The following TRPV1 variants were observed in gnomAD, a reference collection of about 807,000 sequenced individuals.
TRPV1 encodes the protein OTRPC1.
TRPV1 carries 82 observed loss-of-function variants against 82.3 expected under a neutral mutation model. That is an observed-to-expected ratio of 1.00 (90% CI 0.83 to 1.20). TRPV1 has a LOEUF of 1.20. TRPV1 is among the 50% of genes most tolerant of loss of function. The pLI is 0.00. For synonymous variants in TRPV1, 515 were observed against 467.7 expected, an observed-to-expected ratio of 1.10 and a Z score of -1.30; for missense variants, 1,067 against 1,096.8, an observed-to-expected ratio of 0.97 and a Z score of 0.38.
chr17:3,586,763 C>T (rs1027645941), intron 8 of TRPV1, among the ~76,000 whole-genome samples: 1 of 152,154 alleles, frequency 6.6e-6, no homozygotes, highest in African/African-American at 2.4e-5. Context: ...CAGAGCAAGA[C>T]TCTGTCTCAA....
At chr17:3,578,731 G>A (rs2074967489) in intron 11 of TRPV1, 1 of 152,156 alleles carries the variant, frequency 6.6e-6, no homozygotes. Context: ...GCACTCCTGT[G>A]TTTATCAAAG....
At chr17:3,577,475 TG>T in intron 12 of TRPV1, 122 bp downstream of exon 12, 3 of 1,271,710 alleles carry the variant, frequency 2.4e-6, no homozygotes, top group Non-Finnish European at 2.2e-6. Flanking sequence ...GAAAATAGGC[TG>T]GGGGGTAAAC....
intron 12 of TRPV1, 54 bp downstream of exon 12, chr17:3,577,544 T>C (rs999837913): frequency 1.9e-6 from 3 of 1,541,988 alleles, no homozygotes; most frequent in East Asian, 2.5e-5. Context: ...CCATCTCACA[T>C]GACCACGAGG....
intron 7 of TRPV1, chr17:3,588,825 A>AC: frequency 8.3e-6 from 11 of 1,319,354 alleles, no homozygotes; most frequent in Non-Finnish European, 1.1e-5. Flanking sequence ...AAAAAAAAAA[A>AC]AAAAACAAAA....
At chr17:3,588,112 G>A (rs1393003694) in intron 8 of TRPV1, 76 bp downstream of exon 8, 1 of 1,494,052 alleles carries the variant, frequency 6.7e-7, no homozygotes, top group African/African-American at 1.4e-5. Flanking sequence ...GCCAGCTGGA[G>A]CTGGACCAGG....
At chr17:3,593,130 G>C (rs1277406277) in intron 2 of TRPV1, among the ~76,000 whole-genome samples, 2,087 of 30,474 alleles carry the variant, frequency 0.068, 62 homozygotes, top group African/African-American at 0.26. Context: ...GTGTGTGTGT[G>C]TGTGTGTCTG....
intron 11 of TRPV1, 25 bp downstream of exon 11, chr17:3,580,432 G>A (rs1004933568): frequency 1.9e-6 from 3 of 1,613,278 alleles, no homozygotes; most frequent in Non-Finnish European, 2.5e-6. Context: ...GGACTGGACT[G>A]GGAATGAGTC....
Position 3,591,040 on chromosome 17 carries a change from C to G in TRPV1, c.528G>C (p.Leu176=). Residue 176 remains leucine (L), a synonymous_variant, in exon 5 of 17, where the codon CTG becomes CTC. Coordinates refer to ENST00000572705, the MANE Select transcript of TRPV1 (RefSeq NM_080704.4). The stretch of plus-strand genomic sequence containing the variant: ...CCGTTTGCCGCGCGATCTCCAGGAG[C>G]AGGGGGATGGTGGTGTTCTGTCCGT... ...LHDGQNTTIP[L]LLEIARQTDS... 3 of 1,612,868 alleles carry G rather than the reference C, an allele frequency of 1.9e-6. No individual in the cohort carries two copies. The highest frequency in any genetic ancestry group is 1.3e-5 in the African/African-American group (1 of 75,042).
At chr17:3,576,668 A>AAAAAATATATATATATAT in intron 13 of TRPV1, among the ~76,000 whole-genome samples, 4 of 38,386 alleles carry the variant, frequency 1.0e-4, no homozygotes, top group Non-Finnish European at 1.6e-4. Context: ...AAAAAAAAAA[A>AAAAAATATATATATATAT]ATATATATAT....
chr17:3,579,190 T>A (rs960320158), intron 11 of TRPV1, among the ~76,000 whole-genome samples: 2 of 152,040 alleles, frequency 1.3e-5, no homozygotes, highest in African/African-American at 4.8e-5. Context: ...TTTAAAAAAA[T>A]TAAAATAAGT....
intron 8 of TRPV1, among the ~76,000 whole-genome samples, chr17:3,587,672 G>T (rs141453658): frequency 6.0e-4 from 92 of 152,220 alleles, no homozygotes; most frequent in African/African-American, 2.2e-3. Context: ...CAAAAAATTA[G>T]CAGGGCCTGG....
chr17:3,567,025 A>G (rs1479813076), intron 16 of TRPV1, 38 bp from the exon 17 acceptor site: 2 of 1,604,874 alleles, frequency 1.2e-6, no homozygotes, highest in African/African-American at 2.7e-5. Context: ...GATGCAACAA[A>G]ACAAACATTC....
At chr17:3,600,196 T>G (rs1178788583) in intron 2 of TRPV1, among the ~76,000 whole-genome samples, 1 of 152,202 alleles carries the variant, frequency 6.6e-6, no homozygotes, top group Non-Finnish European at 1.5e-5. Context: ...CATTTCCTTC[T>G]AACAATGTGG....
chr17:3,582,309 T>C (rs1258753922), intron 10 of TRPV1, among the ~76,000 whole-genome samples: 1 of 149,722 alleles, frequency 6.7e-6, no homozygotes, highest in Non-Finnish European at 1.5e-5. Flanking sequence ...GAGACAGAGG[T>C]TGAAGTGAGC....
intron 13 of TRPV1, among the ~76,000 whole-genome samples, chr17:3,575,386 G>C (rs1160665771): frequency 3.9e-5 from 6 of 152,194 alleles, no homozygotes; most frequent in Middle Eastern, 3.4e-3. Flanking sequence ...GGAAGGCTGA[G>C]GCAGGAGAAT....
At position 3,566,599 on chromosome 17, in the gene TRPV1, G is replaced by A. The variant is rs2074765923; in HGVS notation, c.*216C>T. ...TGAGTAAAAACCTGAAAGTCTGTTAGGAGATTCACTTGGGGACAGTGACGG... is the reference window on the plus strand; with the variant it reads ...TGAGTAAAAACCTGAAAGTCTGTTAAGAGATTCACTTGGGGACAGTGACGG... On this transcript the variant is annotated 3_prime_UTR_variant, in exon 17 of 17. Transcript: ENST00000572705. 1 of 519,262 alleles carries A rather than the reference G, an allele frequency of 1.9e-6. No individual in the cohort carries two copies. The highest frequency in any genetic ancestry group is 3.4e-5 in the Admixed American group (1 of 29,454). 32.2% of individuals were successfully genotyped at this position (519,262 alleles called of 1,614,324 possible).
Position 3,568,646 on chromosome 17 carries a change from A to G in TRPV1, c.2348-1659T>C, listed in dbSNP as rs118111515. 2.8e-3 allele frequency among the ~76,000 whole-genome samples: 420 copies of G among 152,316 alleles called. 7 individuals carry two copies. The highest frequency in any genetic ancestry group is 0.017 in the Middle Eastern group (5 of 294). ...TGTCAACGATCACAAAATAGGCAAC[A>G]TACAGGCAGCAAACGTTTTTCAGAG... On this transcript the variant is annotated intron_variant, in intron 16 of 16. Coordinates refer to ENST00000572705, the MANE Select transcript of TRPV1 (RefSeq NM_080704.4).
intron 7 of TRPV1, among the ~76,000 whole-genome samples, chr17:3,589,262 G>A (rs1021753882): frequency 1.3e-4 from 20 of 148,332 alleles, no homozygotes; most frequent in Non-Finnish European, 2.1e-4. Context: ...GCTAGAGTGC[G>A]GTGGCAAAAT....
intron 11 of TRPV1, chr17:3,578,528 T>A (rs2074964088): frequency 6.6e-6 from 1 of 152,098 alleles, no homozygotes; most frequent in African/African-American, 2.4e-5. Context: ...ACCCCTCTAA[T>A]CCCAGCTACT....
Sources: allele counts gnomAD v4.1 joint callset (sites outside exome capture counted in the v4.1 genomes callset), GRCh38; gene constraint gnomAD v4.1.1; transcripts MANE v1.5; gene names NCBI Gene and HGNC (gene_info 2026-07-23, HGNC 2026-07-21).